Variants in ITPR1 observed in about 807,000 individuals in gnomAD.
ITPR1 encodes inositol 1,4,5-trisphosphate-gated calcium channel ITPR1.
A neutral mutation model predicts 318.4 loss-of-function variants in ITPR1; 96 were observed. The ratio of observed to expected loss-of-function variants is 0.30; its 90% confidence interval spans 0.26 to 0.36. The LOEUF is 0.36. Among genes scored for constraint, ITPR1 ranks in the 10% least tolerant of loss-of-function variants. The pLI, the probability that ITPR1 is intolerant of heterozygous loss-of-function variation, is 1.00. For synonymous variants in ITPR1, 1,312 were observed against 1,289.9 expected (o/e 1.02, Z -0.37); for missense variants, 2,440 against 3,460.2 (o/e 0.71, Z 7.40).
intron 60 of ITPR1, among the ~76,000 whole-genome samples, chr3:4,836,341 C>G (rs142877185): frequency 1.9e-4 from 29 of 152,212 alleles, no homozygotes; most frequent in African/African-American, 7.0e-4. Context: ...GGGATGGTTG[C>G]ACAGCAGTGT....
chr3:4,641,773 C>G (rs1004496311), intron 6 of ITPR1, among the ~76,000 whole-genome samples: 1 of 152,246 alleles, frequency 6.6e-6, no homozygotes, highest in Admixed American at 6.5e-5. Context: ...TTAGCCCGTT[C>G]ACATAGGGCT....
At chr3:4,569,452 T>C (rs951552565) in intron 4 of ITPR1, among the ~76,000 whole-genome samples, 9 of 152,234 alleles carry the variant, frequency 5.9e-5, no homozygotes, top group African/African-American at 1.9e-4. Flanking sequence ...ACGTTTTCAA[T>C]GGAAAAATGA....
At chr3:4,753,814 G>A (rs2044734804) in intron 44 of ITPR1, among the ~76,000 whole-genome samples, 1 of 152,116 alleles carries the variant, frequency 6.6e-6, no homozygotes, top group African/African-American at 2.4e-5. Context: ...CACCCTGCCG[G>A]TACTGTGCGG....
chr3:4,538,950 T>C (rs899017793), intron 4 of ITPR1, among the ~76,000 whole-genome samples: 1 of 152,138 alleles, frequency 6.6e-6, no homozygotes, highest in African/African-American at 2.4e-5. Flanking sequence ...AGGTGATAGG[T>C]TGATAGGAGT....
At chr3:4,837,556 C>T (rs1349826653) in intron 61 of ITPR1, among the ~76,000 whole-genome samples, 4 of 151,942 alleles carry the variant, frequency 2.6e-5, no homozygotes, top group Admixed American at 6.5e-5. Flanking sequence ...GCTTCCTATC[C>T]GTAAGATAAA....
At chr3:4,762,499 C>G (rs758208299) in intron 44 of ITPR1, among the ~76,000 whole-genome samples, 1 of 152,224 alleles carries the variant, frequency 6.6e-6, no homozygotes, top group African/African-American at 2.4e-5. Flanking sequence ...TCTCACTTTG[C>G]TCTCCTGTCC....
chr3:4,661,953 A>C, intron 14 of ITPR1, 129 bp from the exon 15 acceptor site: 1 of 705,458 alleles, frequency 1.4e-6, no homozygotes, highest in South Asian at 2.7e-5. Flanking sequence ...TTTTTTTCCT[A>C]TATCATTTTA....
rs187189684 is a variant in ITPR1, at chr3:4,557,005, C to T, written c.163+35911C>T. ...CACCTAGTCAGATGGCAACTCTTTA[C>T]AGAAAGGACAATGTAGTAAGATTTT... is the stretch of plus-strand genomic sequence containing the variant. On this transcript the variant is annotated intron_variant, in intron 4 of 61. Coordinates refer to ENST00000649015, the MANE Select transcript of ITPR1 (RefSeq NM_001378452.1). Among the ~76,000 whole-genome samples, 876 of 152,258 alleles carry T rather than the reference C, an allele frequency of 5.8e-3. 32 individuals carry two copies. Among genetic ancestry groups the T allele is most frequent in the Admixed American group, 0.049 (753 of 15,282 alleles).
At chr3:4,726,784 C>T (rs2042547974) in intron 41 of ITPR1, among the ~76,000 whole-genome samples, 2 of 152,124 alleles carry the variant, frequency 1.3e-5, no homozygotes, top group African/African-American at 2.4e-5. Flanking sequence ...AGGACCTGCC[C>T]GATTGAGTCT....
intron 20 of ITPR1, among the ~76,000 whole-genome samples, chr3:4,671,971 C>T (rs772566276): frequency 2.6e-5 from 4 of 152,082 alleles, no homozygotes; most frequent in African/African-American, 4.8e-5. Flanking sequence ...TTATTCAATA[C>T]GGGTACTGAA....
chr3:4,628,489 A>G (rs891775046), intron 5 of ITPR1, among the ~76,000 whole-genome samples: 1 of 152,182 alleles, frequency 6.6e-6, no homozygotes, highest in African/African-American at 2.4e-5. Context: ...TAAAATAATG[A>G]CATAGTTCTT....
intron 4 of ITPR1, among the ~76,000 whole-genome samples, chr3:4,586,748 A>G (rs531365642): frequency 1.1e-4 from 16 of 149,726 alleles, no homozygotes; most frequent in African/African-American, 3.9e-4. Flanking sequence ...TTTTAATACA[A>G]CTAGTCTCTG....
chr3:4,770,330 A>G (rs967603524), intron 46 of ITPR1, among the ~76,000 whole-genome samples: 1 of 152,244 alleles, frequency 6.6e-6, no homozygotes, highest in African/African-American at 2.4e-5. Context: ...ATTGTTAATT[A>G]GTAAGGCAAA....
At position 4,516,359 on chromosome 3, in the gene ITPR1, A is replaced by G. The variant is rs73003291; in HGVS notation, c.-16-117A>G. On this transcript the variant is annotated intron_variant, in intron 2 of 61. Coordinates refer to ENST00000649015, the MANE Select transcript of ITPR1 (RefSeq NM_001378452.1). ...GCCTGCCTGTCAAACTGTTATTTAA[A>G]TTTGACTTTTAAGTAAGGCGCTTTG... The G allele has an allele frequency of 8.4e-3, 4,693 of 556,064 alleles. 25 individuals carry two copies. The highest frequency in any genetic ancestry group is 0.018 in the Middle Eastern group (46 of 2,628). 34.4% of individuals were successfully genotyped at this position (556,064 alleles called of 1,614,324 possible).
At chr3:4,672,321 T>A (rs577362281) in intron 20 of ITPR1, among the ~76,000 whole-genome samples, 1 of 152,388 alleles carries the variant, frequency 6.6e-6, no homozygotes, top group African/African-American at 2.4e-5. Context: ...TGATGCTTTT[T>A]AATTTTTGGT....
chr3:4,754,106 C>T lies in ITPR1; in HGVS notation c.5545-12424C>T, dbSNP rs935851310. 2.6e-5 allele frequency among the ~76,000 whole-genome samples: 4 copies of T among 151,608 alleles called. 1 individual carries two copies. The stretch of plus-strand genomic sequence containing the variant: ...CTGTATAAATTTCAAGTTGAATTCC[C>T]TGGGAACCTCGGAGCATTGAGGACA... On this transcript the variant is annotated intron_variant, in intron 44 of 61. Transcript: ENST00000649015.
At chr3:4,711,548 T>C in intron 38 of ITPR1, 2 of 544,072 alleles carry the variant, frequency 3.7e-6, no homozygotes, top group Non-Finnish European at 6.5e-6. Context: ...GTGAGCCTGT[T>C]TGCTGTGATT....
chr3:4,737,159 C>A (rs1014601217), intron 44 of ITPR1, among the ~76,000 whole-genome samples: 1 of 152,064 alleles, frequency 6.6e-6, no homozygotes, highest in Non-Finnish European at 1.5e-5. Flanking sequence ...GTTATTCCTT[C>A]CCTTCCCCAA....
rs547237051 is a variant in ITPR1, at chr3:4,658,647, A to G, written c.1151+369A>G. ...AAATTGAATGGAAATAGAATAAACC[A>G]TTGAAAAGAAATTCTACAAGATAAA... On this transcript the variant is annotated intron_variant, in intron 13 of 61. Transcript: ENST00000649015. 2.6e-5 allele frequency among the ~76,000 whole-genome samples: 4 copies of G among 151,924 alleles called. No homozygotes were observed. The East Asian group carries it at 7.8e-4, about 30-fold the overall frequency.
Sources: gnomAD v4.1 joint callset for allele counts (sites outside exome capture counted in the v4.1 genomes callset) on GRCh38, gnomAD v4.1.1 for gene constraint, MANE v1.5 for transcripts, NCBI Gene and HGNC (gene_info 2026-07-23, HGNC 2026-07-21) for gene names.